The following GGA3 variants were observed in gnomAD, a reference collection of about 807,000 sequenced individuals.
GGA3 encodes ADP-ribosylation factor-binding protein GGA3.
In GGA3, 57 loss-of-function variants were observed where a neutral mutation model predicts 77.5. The ratio of observed to expected loss-of-function variants is 0.74; its 90% CI spans 0.59 to 0.92. The LOEUF is 0.92. GGA3 is among the 40% of genes least tolerant of loss of function. The probability of loss-of-function intolerance (pLI) is 0.00; values close to 1 mark genes in which losing one functional copy is unlikely to be tolerated. For missense variants in GGA3, 970 were observed against 914.9 expected (o/e 1.06, Z -0.78); for synonymous variants, 416 against 383.7 (o/e 1.08, Z -0.98).
chr17:75,237,999 A>G lies in GGA3; in HGVS notation c.*280T>C. ...ACACCTACGCCAAGCCTGGGGGTCCATGTTCCCGGGACAGCAGTGAAGTCA... is the reference window on the plus strand; with the variant it reads ...ACACCTACGCCAAGCCTGGGGGTCCGTGTTCCCGGGACAGCAGTGAAGTCA... On this transcript the variant is annotated 3_prime_UTR_variant, in exon 17 of 17. Transcript: ENST00000537686. 2 of 1,201,988 alleles carry G rather than the reference A, an allele frequency of 1.7e-6. No individual in the cohort carries two copies. Among genetic ancestry groups the G allele is most frequent in the East Asian group, 4.0e-5 (1 of 24,956 alleles). The allele number at this position is 1,201,988 out of a possible 1,614,324, so 74.5% of individuals were successfully genotyped here.
In GGA3 at chr17:75,241,949, G is replaced by A. The variant is rs562376642; in HGVS notation, c.748-253C>T. The A allele has an allele frequency of 2.1e-5, 12 of 568,754 alleles. No individual in the cohort carries two copies. The East Asian group carries it at 3.5e-4, about 17-fold the overall frequency. The allele number at this position is 568,754 out of a possible 1,614,324, so 35.2% of individuals were successfully genotyped here. On this transcript the variant is annotated intron_variant, in intron 8 of 16. Coordinates refer to ENST00000537686, the MANE Select transcript of GGA3 (RefSeq NM_138619.4). ...TCAGTCCCCTCCTGCCTTCCAGGCTGGCATGTTCCTCAGAACTCAAAATAT... is the reference window on the plus strand; with the variant it reads ...TCAGTCCCCTCCTGCCTTCCAGGCTAGCATGTTCCTCAGAACTCAAAATAT...
chr17:75,246,355 C>A (rs949068246), intron 3 of GGA3, among the ~76,000 whole-genome samples, 154 bp downstream of exon 3: 1 of 152,236 alleles, frequency 6.6e-6, no homozygotes, highest in African/African-American at 2.4e-5. Context: ...ATTTGTGGAA[C>A]AGCTGGCTGA....
intron 1 of GGA3, among the ~76,000 whole-genome samples, chr17:75,260,735 A>G (rs909605038): frequency 3.9e-5 from 6 of 152,208 alleles, no homozygotes; most frequent in African/African-American, 1.4e-4. Flanking sequence ...TTCACTTATT[A>G]ACCCTCAGGC....
intron 1 of GGA3, among the ~76,000 whole-genome samples, chr17:75,250,860 CTGCG>C (rs1433300221): frequency 6.6e-6 from 1 of 151,380 alleles, no homozygotes; most frequent in Non-Finnish European, 1.5e-5. Context: ...GGCGGATCAC[CTGCG>C]TGAGGTTAGG....
At position 75,239,058 on chromosome 17, in the gene GGA3, G is replaced by A. The variant is rs748552612; in HGVS notation, c.1806C>T (p.Tyr602=). ...KPSSALPVTA[Y]DKNGFRILFH... ...AGAGGATGCGGAAGCCGTTTTTATC[G>A]TAGGCTGTCACAGGAAGGGCACTGC... Residue 602 remains tyrosine (Y), a synonymous_variant, in exon 15 of 17, where the codon TAC becomes TAT. Coordinates refer to ENST00000537686, the MANE Select transcript of GGA3 (RefSeq NM_138619.4). The A allele has an allele frequency of 1.1e-5, 18 of 1,613,578 alleles. No homozygotes were observed. Among genetic ancestry groups the A allele is most frequent in the Admixed American group, 6.7e-5 (4 of 60,024 alleles).
upstream of GGA3, chr17:75,261,632 G>T (rs201269502): frequency 6.7e-7 from 1 of 1,502,298 alleles, no homozygotes; most frequent in African/African-American, 1.4e-5. Context: ...GCGAGAGTCT[G>T]CACGAGCTGA....
intron 1 of GGA3, among the ~76,000 whole-genome samples, chr17:75,248,467 T>TTAAAAAAAAAA (rs1330796144): frequency 5.4e-4 from 1 of 1,842 alleles, no homozygotes; most frequent in African/African-American, 6.0e-4. Context: ...AGACTCCGTC[T>TTAAAAAAAAAA]CAAAAAAAAA....
intron 7 of GGA3, 89 bp from the exon 8 acceptor site, chr17:75,242,562 G>T: frequency 1.3e-6 from 2 of 1,484,788 alleles, no homozygotes; most frequent in Non-Finnish European, 1.9e-6. Flanking sequence ...CACAACACAA[G>T]TACAGACGCT....
Position 75,237,926 on chromosome 17 carries a change from C to G in GGA3, c.*353G>C. ...GTCTCTCTTTAGAGACTCCCACCCC[C>G]CACCCCCCACCCCAGTGGCTTCAGT... On this transcript the variant is annotated 3_prime_UTR_variant, in exon 17 of 17. Transcript: ENST00000537686. 2.1e-6 allele frequency: 1 copy of G among 478,818 alleles called. No homozygotes were observed. The highest frequency in any genetic ancestry group is 2.8e-6 in the Non-Finnish European group (1 of 353,576). 29.7% of individuals were successfully genotyped at this position (478,818 alleles called of 1,614,324 possible).
At chr17:75,254,546 G>A (rs1036676829) in intron 1 of GGA3, among the ~76,000 whole-genome samples, 3 of 152,100 alleles carry the variant, frequency 2.0e-5, no homozygotes, top group Non-Finnish European at 4.4e-5. Context: ...GACCCTAAGA[G>A]GTCAAAGGGC....
intron 1 of GGA3, among the ~76,000 whole-genome samples, chr17:75,251,431 G>A (rs2076962119): frequency 6.6e-6 from 1 of 151,996 alleles, no homozygotes; most frequent in African/African-American, 2.4e-5. Context: ...GTATGGCCCA[G>A]GCACGGTGGC....
intron 1 of GGA3, among the ~76,000 whole-genome samples, chr17:75,246,997 G>A (rs2076783478): frequency 6.6e-6 from 1 of 151,732 alleles, no homozygotes; most frequent in African/African-American, 2.4e-5. Flanking sequence ...ACTGCTTTCT[G>A]TCCAGTATTT....
At chr17:75,240,237 G>C (rs535814936) in intron 12 of GGA3, 105 bp downstream of exon 12, 18 of 1,131,868 alleles carry the variant, frequency 1.6e-5, no homozygotes, top group South Asian at 9.8e-5. Context: ...CGCTGCAGCT[G>C]GCACGCTCTG....
chr17:75,242,203 T>C (rs1232097528), intron 8 of GGA3, 133 bp downstream of exon 8: 2 of 927,902 alleles, frequency 2.2e-6, no homozygotes, highest in African/African-American at 1.6e-5. Context: ...GCTGTGCAGA[T>C]GAGTAAGGTC....
At chr17:75,240,724 G>T in intron 11 of GGA3, 88 bp downstream of exon 11, 2 of 1,427,062 alleles carry the variant, frequency 1.4e-6, no homozygotes, top group East Asian at 2.4e-5. Context: ...CAGTCACACT[G>T]GGGCCCCGCT....
intron 1 of GGA3, among the ~76,000 whole-genome samples, chr17:75,261,260 A>C (rs945349516): frequency 6.6e-6 from 1 of 152,210 alleles, no homozygotes; most frequent in Non-Finnish European, 1.5e-5. Flanking sequence ...CAGCCCGAAG[A>C]TCTTGGCTGT....
At chr17:75,238,569 C>T in intron 16 of GGA3, 83 bp downstream of exon 16, 3 of 1,066,844 alleles carry the variant, frequency 2.8e-6, no homozygotes, top group Admixed American at 2.0e-5. Flanking sequence ...AAAACACTTC[C>T]AGCTGGGAGG....
chr17:75,243,321 G>A, intron 5 of GGA3, 126 bp downstream of exon 5: 1 of 1,303,884 alleles, frequency 7.7e-7, no homozygotes, highest in South Asian at 1.3e-5. Context: ...CTCCGACTCA[G>A]CCTTGCCTGG....
rs763859928 is a variant in GGA3 at position 75,237,499 on chromosome 17, G to C, written c.*780C>G. On this transcript the variant is annotated 3_prime_UTR_variant, in exon 17 of 17. Coordinates refer to ENST00000537686, the MANE Select transcript of GGA3 (RefSeq NM_138619.4). ...AGGATGGCCTGTCCCCACGGCTGGAGGCACGCTTTTCCCAGAAAGCTGAGT... is the reference window on the plus strand; with the variant it reads ...AGGATGGCCTGTCCCCACGGCTGGACGCACGCTTTTCCCAGAAAGCTGAGT... 9.1e-5 allele frequency: 140 copies of C among 1,535,830 alleles called. No homozygotes were observed. The highest frequency in any genetic ancestry group is 1.2e-4 in the Non-Finnish European group (137 of 1,146,772).
Sources: gnomAD v4.1 joint callset for allele counts (sites outside exome capture counted in the v4.1 genomes callset) on GRCh38, gnomAD v4.1.1 for gene constraint, MANE v1.5 for transcripts, NCBI Gene and HGNC (gene_info 2026-07-23, HGNC 2026-07-21) for gene names.